Variants in CDH12 observed in about 807,000 individuals in gnomAD.
CDH12 encodes the protein cadherin-12.
A neutral mutation model predicts 74.1 loss-of-function variants in CDH12; 41 were observed. The observed-to-expected ratio is 0.55, with a 90% CI of 0.43 to 0.72. CDH12 has a LOEUF of 0.72. Ranked by LOEUF, CDH12 falls within the 30% of genes least tolerant of loss-of-function variation. CDH12 has a pLI of 0.00. For synonymous variants in CDH12, 399 were observed against 355.0 expected, an observed-to-expected ratio of 1.12 and a Z score of -1.39; for missense variants, 945 against 977.2, an observed-to-expected ratio of 0.97 and a Z score of 0.44.
intron 2 of CDH12, among the ~76,000 whole-genome samples, chr5:22,425,243 C>T (rs1743875217): frequency 6.8e-6 from 1 of 146,416 alleles, no homozygotes; most frequent in Admixed American, 6.9e-5. Flanking sequence ...CCTCATAATT[C>T]ATTTTTACTA....
chr5:21,913,324 T>G (rs963293886), intron 6 of CDH12, among the ~76,000 whole-genome samples: 5 of 152,198 alleles, frequency 3.3e-5, no homozygotes, highest in African/African-American at 1.2e-4. Flanking sequence ...GCCATTACAA[T>G]AATCATCACA....
chr5:21,804,327 T>C (rs1747305980), intron 9 of CDH12, among the ~76,000 whole-genome samples: 1 of 152,088 alleles, frequency 6.6e-6, no homozygotes, highest in African/African-American at 2.4e-5. Context: ...CCCAGTGATG[T>C]TCCTTTGATC....
At chr5:22,047,526 A>ACC (rs376473484) in intron 5 of CDH12, among the ~76,000 whole-genome samples, 58 of 148,078 alleles carry the variant, frequency 3.9e-4, no homozygotes, top group Non-Finnish European at 5.4e-4. Context: ...AAAAGTAAAC[A>ACC]CCCCCCCCCA....
At chr5:22,622,769 T>A (rs1206371059) in intron 1 of CDH12, among the ~76,000 whole-genome samples, 1 of 152,162 alleles carries the variant, frequency 6.6e-6, no homozygotes, top group African/African-American at 2.4e-5. Context: ...CCATTCCCTC[T>A]GAAACTATTC....
chr5:21,784,091 G>A (rs6862988), intron 10 of CDH12, among the ~76,000 whole-genome samples: 13,557 of 151,968 alleles, frequency 0.089, 1,019 homozygotes, highest in African/African-American at 0.2. Context: ...GTCAACATTA[G>A]AAAAACAGTG....
chr5:21,823,763 G>T (rs12515348), intron 8 of CDH12, among the ~76,000 whole-genome samples: 1 of 149,536 alleles, frequency 6.7e-6, no homozygotes, highest in Admixed American at 6.7e-5. Context: ...CACAGAAAAA[G>T]AAAAAAAAAT....
intron 1 of CDH12, among the ~76,000 whole-genome samples, chr5:22,795,010 A>G (rs1171581069): frequency 6.6e-6 from 1 of 152,190 alleles, no homozygotes; most frequent in African/African-American, 2.4e-5. Flanking sequence ...GTGCCAAAAA[A>G]TGAAGGTAAT....
rs1227157069 is a variant in CDH12, at chr5:22,487,458, G to T, written c.-428+17812C>A. Among the ~76,000 whole-genome samples, 5 of 152,152 alleles carry T rather than the reference G, an allele frequency of 3.3e-5. No individual in the cohort carries two copies. In the East Asian group the frequency reaches 9.6e-4, roughly 29 times the overall value. On this transcript the variant is annotated intron_variant, in intron 2 of 14. Coordinates refer to ENST00000382254, the MANE Select transcript of CDH12 (RefSeq NM_004061.5). ...GAAAAATCAGGGATTTCCTGGATCT[G>T]ATAGAGGAAATGCTGTAATTTAACT...
chr5:21,807,927 A>T (rs1263913497), intron 9 of CDH12, among the ~76,000 whole-genome samples: 2 of 152,104 alleles, frequency 1.3e-5, no homozygotes, highest in Non-Finnish European at 2.9e-5. Flanking sequence ...GGTGTGATCT[A>T]ACCAGGAGAC....
intron 13 of CDH12, among the ~76,000 whole-genome samples, chr5:21,756,602 G>C (rs917388212): frequency 3.9e-5 from 6 of 152,042 alleles, no homozygotes; most frequent in Non-Finnish European, 8.8e-5. Context: ...GCATGCATTT[G>C]CTCTTTTATT....
At chr5:22,509,834 G>A (rs1400851303) in intron 1 of CDH12, among the ~76,000 whole-genome samples, 1 of 152,120 alleles carries the variant, frequency 6.6e-6, no homozygotes, top group Non-Finnish European at 1.5e-5. Context: ...GCTTGAGCCT[G>A]ATGTGTGTAA....
intron 4 of CDH12, among the ~76,000 whole-genome samples, chr5:22,191,405 C>T (rs1260670870): frequency 1.3e-5 from 2 of 152,096 alleles, no homozygotes; most frequent in Non-Finnish European, 2.9e-5. Flanking sequence ...TTCTGACACA[C>T]AAGAGACTCT....
At chr5:21,826,093 T>C (rs531130406) in intron 8 of CDH12, among the ~76,000 whole-genome samples, 76 of 152,318 alleles carry the variant, frequency 5.0e-4, no homozygotes, top group Admixed American at 9.2e-4. Flanking sequence ...CAGTCTTTCC[T>C]TTTCCTAGGT....
intron 6 of CDH12, among the ~76,000 whole-genome samples, chr5:21,902,249 A>G (rs1445577017): frequency 6.6e-6 from 1 of 150,876 alleles, no homozygotes; most frequent in Admixed American, 6.6e-5. Flanking sequence ...CTCTCTACAT[A>G]TATGTATAAT....
chr5:21,757,063 T>A (rs1223091429), intron 13 of CDH12, among the ~76,000 whole-genome samples: 1 of 152,186 alleles, frequency 6.6e-6, no homozygotes, highest in Non-Finnish European at 1.5e-5. Flanking sequence ...AAATGACTAA[T>A]AGAAATAGAA....
intron 2 of CDH12, among the ~76,000 whole-genome samples, chr5:22,504,050 T>C (rs1180726210): frequency 6.6e-6 from 1 of 151,966 alleles, no homozygotes; most frequent in East Asian, 1.9e-4. Context: ...AGATCAGAGA[T>C]TTAGAAATTA....
At chr5:22,544,011 T>C (rs1027949178) in intron 1 of CDH12, among the ~76,000 whole-genome samples, 6 of 152,096 alleles carry the variant, frequency 3.9e-5, no homozygotes, top group African/African-American at 1.4e-4. Flanking sequence ...ATCAAAGAAT[T>C]AGAATCAAAA....
At chr5:21,905,341 T>G (rs1365283617) in intron 6 of CDH12, among the ~76,000 whole-genome samples, 1 of 152,242 alleles carries the variant, frequency 6.6e-6, no homozygotes, top group Non-Finnish European at 1.5e-5. Context: ...CCTCCAATTG[T>G]GACGATACCT....
intron 3 of CDH12, among the ~76,000 whole-genome samples, chr5:22,393,842 A>G (rs866446786): frequency 5.9e-5 from 9 of 152,142 alleles, no homozygotes; most frequent in African/African-American, 1.7e-4. Context: ...GGGAAAGTTA[A>G]TCCTTGTAGT....
Sources: gnomAD v4.1 joint callset for allele counts (sites outside exome capture counted in the v4.1 genomes callset) on GRCh38, gnomAD v4.1.1 for gene constraint, MANE v1.5 for transcripts, NCBI Gene and HGNC (gene_info 2026-07-23, HGNC 2026-07-21) for gene names.